Variants in ZEB2 observed in about 807,000 individuals in gnomAD.
The protein encoded by ZEB2 is zinc finger E-box-binding homeobox 2.
In ZEB2, 6 loss-of-function variants were observed where a neutral mutation model predicts 99.9. That is an observed-to-expected ratio of 0.06 (90% CI 0.03 to 0.12). The LOEUF (loss-of-function observed/expected upper bound fraction) is 0.12. Ranked by LOEUF, ZEB2 falls within the 10% of genes least tolerant of loss-of-function variation. ZEB2 has a pLI of 1.00. For missense variants in ZEB2, 969 were observed against 1,502.8 expected (o/e 0.64, Z 5.87); for synonymous variants, 517 against 542.5 (o/e 0.95, Z 0.65).
At chr2:144,401,173 C>T (rs369541564) in intron 7 of ZEB2, 26 bp downstream of exon 7, 114 of 1,598,458 alleles carry the variant, frequency 7.1e-5, no homozygotes, top group South Asian at 2.3e-4. Flanking sequence ...AATGCAAATG[C>T]GAGCTCCAGC....
In ZEB2 at chr2:144,517,391, G is replaced by A. The variant is rs1705174693; in HGVS notation, c.-41C>T. On this transcript the variant is annotated 5_prime_UTR_variant, in exon 2 of 10. Transcript: ENST00000627532. ...AGATGGCAGTTCGCATGGACTCGGC[G>A]CCCTGCTTCGGCAGCACGCAGGCTC... 1 of 1,608,502 alleles carries A rather than the reference G, an allele frequency of 6.2e-7. No homozygotes were observed. Among genetic ancestry groups the A allele is most frequent in the African/African-American group, 1.3e-5 (1 of 74,808 alleles).
intron 2 of ZEB2, chr2:144,497,754 T>A (rs1348038666): frequency 6.2e-6 from 1 of 161,668 alleles, no homozygotes; most frequent in Non-Finnish European, 1.5e-5. Context: ...TTTCTGACAA[T>A]CTTGATGACC....
chr2:144,427,314 T>A (rs1030337758), intron 3 of ZEB2: 1 of 152,222 alleles, frequency 6.6e-6, no homozygotes, highest in African/African-American at 2.4e-5. Flanking sequence ...AAAACTTTGA[T>A]TGTGCTGGAA....
intron 8 of ZEB2, among the ~76,000 whole-genome samples, chr2:144,396,861 A>T (rs1335808843): frequency 6.6e-6 from 1 of 152,218 alleles, no homozygotes; most frequent in East Asian, 1.9e-4. Context: ...GGTGAGAGAA[A>T]CAAATTTTTC....
At chr2:144,463,683 A>G (rs76454211) in intron 2 of ZEB2, 1 of 151,780 alleles carries the variant, frequency 6.6e-6, no homozygotes, top group African/African-American at 2.4e-5. Flanking sequence ...AAAAAAAAAA[A>G]TTATCTGGGC....
chr2:144,510,306 G>A (rs149031349), intron 2 of ZEB2, among the ~76,000 whole-genome samples: 68 of 152,190 alleles, frequency 4.5e-4, no homozygotes, highest in African/African-American at 1.6e-3. Context: ...GTGAGGACCC[G>A]TCACTGAAAC....
chr2:144,412,012 G>A (rs546104847), intron 4 of ZEB2, among the ~76,000 whole-genome samples: 4 of 152,372 alleles, frequency 2.6e-5, no homozygotes, highest in South Asian at 4.1e-4. Flanking sequence ...GCTTACGCCT[G>A]TAATCCCAGC....
At chr2:144,396,134 C>A (rs1703226696) in intron 9 of ZEB2, among the ~76,000 whole-genome samples, 1 of 152,158 alleles carries the variant, frequency 6.6e-6, no homozygotes, top group African/African-American at 2.4e-5. Flanking sequence ...CATGCCATTT[C>A]ATTGCCCTGG....
chr2:144,484,185 T>TTGTGTGTATGTGTGTGTGTG (rs1553968454), intron 2 of ZEB2, among the ~76,000 whole-genome samples: 3 of 142,416 alleles, frequency 2.1e-5, no homozygotes, highest in Non-Finnish European at 4.6e-5. Context: ...AAATCTGGAT[T>TTGTGTGTATGTGTGTGTGTG]TGTGTGTGTG....
chr2:144,438,142 G>C (rs550192118), intron 2 of ZEB2, among the ~76,000 whole-genome samples: 1 of 152,232 alleles, frequency 6.6e-6, no homozygotes, highest in South Asian at 2.1e-4. Context: ...CATGAAAAAG[G>C]AGACTGGAGT....
At chr2:144,447,762 A>C (rs1427790599) in intron 2 of ZEB2, among the ~76,000 whole-genome samples, 1 of 152,220 alleles carries the variant, frequency 6.6e-6, no homozygotes, top group African/African-American at 2.4e-5. Context: ...TCAGGGCCCA[A>C]CTTCAAATAG....
intron 2 of ZEB2, among the ~76,000 whole-genome samples, chr2:144,454,875 C>T (rs1704100486): frequency 6.6e-6 from 1 of 151,958 alleles, no homozygotes; most frequent in Admixed American, 6.6e-5. Context: ...ACCATCAGAG[C>T]ATCACACACA....
At chr2:144,489,414 A>G (rs1289084503) in intron 2 of ZEB2, among the ~76,000 whole-genome samples, 1 of 152,150 alleles carries the variant, frequency 6.6e-6, no homozygotes, top group East Asian at 1.9e-4. Context: ...AAACACTCCT[A>G]TCATGAATCA....
chr2:144,417,335 A>G (rs1703554289), intron 4 of ZEB2, among the ~76,000 whole-genome samples: 1 of 152,164 alleles, frequency 6.6e-6, no homozygotes. Flanking sequence ...TCTACATACA[A>G]CAAACACTCT....
At chr2:144,473,852 C>A (rs746459736) in intron 2 of ZEB2, among the ~76,000 whole-genome samples, 4 of 152,130 alleles carry the variant, frequency 2.6e-5, no homozygotes, top group Non-Finnish European at 4.4e-5. Context: ...GGTTTAAATT[C>A]AAGGCAAGGA....
intron 2 of ZEB2, among the ~76,000 whole-genome samples, chr2:144,453,690 T>C (rs1704083264): frequency 6.6e-6 from 1 of 152,102 alleles, no homozygotes; most frequent in Non-Finnish European, 1.5e-5. Flanking sequence ...TGGGTCAAAC[T>C]CCGGCACCCC....
intron 9 of ZEB2, among the ~76,000 whole-genome samples, chr2:144,392,421 C>A (rs1355880233): frequency 6.6e-6 from 1 of 152,228 alleles, no homozygotes; most frequent in Non-Finnish European, 1.5e-5. Context: ...CACTAAACTG[C>A]AGTCTGTCTT....
intron 2 of ZEB2, among the ~76,000 whole-genome samples, chr2:144,471,494 T>C (rs1232532872): frequency 2.0e-5 from 3 of 151,496 alleles, no homozygotes; most frequent in East Asian, 3.9e-4. Flanking sequence ...GTAGTTATTG[T>C]CATGCACACT....
At chr2:144,519,614 C>G in intron 1 of ZEB2, 1 of 209,590 alleles carries the variant, frequency 4.8e-6, no homozygotes, top group Non-Finnish European at 9.8e-6. Flanking sequence ...CCATATAATT[C>G]TCAATAAAAC....
Sources: gnomAD v4.1 joint callset for allele counts (sites outside exome capture counted in the v4.1 genomes callset) on GRCh38, gnomAD v4.1.1 for gene constraint, MANE v1.5 for transcripts, NCBI Gene and HGNC (gene_info 2026-07-23, HGNC 2026-07-21) for gene names.